Variants in CPSF6 observed in about 807,000 individuals in gnomAD.
CPSF6 encodes the protein cleavage and polyadenylation specificity factor subunit 6.
A neutral mutation model predicts 56.7 loss-of-function variants in CPSF6; 10 were observed. The ratio of observed to expected loss-of-function variants is 0.18; its 90% CI spans 0.11 to 0.30. CPSF6 has a LOEUF of 0.30. CPSF6 is among the 10% of genes least tolerant of loss of function. The probability of loss-of-function intolerance (pLI) is 1.00; values close to 1 mark genes in which losing one functional copy is unlikely to be tolerated. For synonymous variants in CPSF6, 248 were observed against 244.8 expected (o/e 1.01, Z -0.12); for missense variants, 419 against 722.9 (o/e 0.58, Z 4.82).
intron 1 of CPSF6, among the ~76,000 whole-genome samples, chr12:69,250,608 GAAAAA>G (rs61008772): frequency 7.5e-6 from 1 of 133,340 alleles, no homozygotes; most frequent in Non-Finnish European, 1.6e-5. Context: ...AAAAAAAAAA[GAAAAA>G]AAAGAAAAGA....
Position 69,256,796 on chromosome 12 carries a change from A to T in CPSF6, c.474A>T (p.Pro158=), listed in dbSNP as rs369020999. The T allele has an allele frequency of 6.2e-7, 1 of 1,613,748 alleles. No individual in the cohort carries two copies. The highest frequency in any genetic ancestry group is 2.2e-5 in the East Asian group (1 of 44,874). The change falls in exon 4 of 10, where the codon CCA becomes CCT. Residue 158 remains proline (P), a synonymous_variant. Coordinates refer to ENST00000435070, the MANE Select transcript of CPSF6 (RefSeq NM_007007.3). ...ATGGTCAGAATCCTGTTGTAACTCCATGCAATAAACAGTTCCTGAGTCAAT... is the reference window on the plus strand; with the variant it reads ...ATGGTCAGAATCCTGTTGTAACTCCTTGCAATAAACAGTTCCTGAGTCAAT... The part of the protein sequence containing the change: ...ELHGQNPVVT[P]CNKQFLSQFE...
intron 1 of CPSF6, among the ~76,000 whole-genome samples, chr12:69,243,794 AATTT>A (rs951003638): frequency 2.6e-5 from 4 of 152,102 alleles, no homozygotes; most frequent in African/African-American, 7.2e-5. Flanking sequence ...GGCTACACTA[AATTT>A]ATTTAAACTT....
At chr12:69,266,834 T>TAG in intron 9 of CPSF6, among the ~76,000 whole-genome samples, 1 of 152,274 alleles carries the variant, frequency 6.6e-6, no homozygotes, top group Non-Finnish European at 1.5e-5. Flanking sequence ...ATGTGTTTTA[T>TAG]AGAGTAATAA....
chr12:69,261,781 T>G (rs773735845), intron 8 of CPSF6, among the ~76,000 whole-genome samples: 5 of 152,216 alleles, frequency 3.3e-5, no homozygotes, highest in Admixed American at 6.5e-5. Context: ...TCGCAGTTCA[T>G]GAAACATTTC....
At chr12:69,261,635 T>C (rs1445883169) in intron 8 of CPSF6, among the ~76,000 whole-genome samples, 1 of 150,986 alleles carries the variant, frequency 6.6e-6, no homozygotes, top group Non-Finnish European at 1.5e-5. Flanking sequence ...TTTGCTAAGC[T>C]TAGCTGTCTG....
rs1482107035 is a variant in CPSF6, at chr12:69,257,798, C to T, written c.587C>T (p.Ala196Val). 1.2e-6 allele frequency: 2 copies of T among 1,613,460 alleles called. No homozygotes were observed. The highest frequency in any genetic ancestry group is 1.7e-6 in the Non-Finnish European group (2 of 1,179,860). Residue 196 changes from alanine to valine, a missense_variant, in exon 5 of 10, where the codon GCA becomes GTA. Around this residue, in one of 4 missense-constraint regions of CPSF6, gnomAD observed 211 missense variants for 296.0 expected, o/e 0.71. Coordinates refer to ENST00000435070, the MANE Select transcript of CPSF6 (RefSeq NM_007007.3). ...AGPPGGSSRA[A>V]FPQGGRGRGR... ...CCTCCAGGAGGCAGTTCCCGTGCAG[C>T]ATTTCCACAAGGTGGTAGAGGACGG...
At chr12:69,257,669 G>A (rs1159847328) in intron 4 of CPSF6, 63 bp from the exon 5 acceptor site, 5 of 1,423,482 alleles carry the variant, frequency 3.5e-6, no homozygotes, top group Non-Finnish European at 4.8e-6. Flanking sequence ...TTTAATAATA[G>A]TGGTTACATT....
At chr12:69,261,806 A>C (rs957596566) in intron 8 of CPSF6, among the ~76,000 whole-genome samples, 5 of 152,174 alleles carry the variant, frequency 3.3e-5, no homozygotes, top group African/African-American at 1.2e-4. Context: ...TATTAAATAC[A>C]ATGTGAATAC....
intron 9 of CPSF6, among the ~76,000 whole-genome samples, chr12:69,265,304 T>C (rs1391117873): frequency 6.6e-6 from 1 of 152,218 alleles, no homozygotes; most frequent in African/African-American, 2.4e-5. Flanking sequence ...AGTAGTTCAG[T>C]GCTTTACGAT....
chr12:69,268,183 C>T (rs752491580), intron 9 of CPSF6, among the ~76,000 whole-genome samples: 6 of 151,854 alleles, frequency 4.0e-5, no homozygotes, highest in Non-Finnish European at 7.4e-5. Context: ...CATTTGAAAG[C>T]TGCCATTTTG....
At position 69,240,926 on chromosome 12, in the gene CPSF6, G is replaced by A. The variant is rs149469187; in HGVS notation, c.60+1220G>A. 7.4e-4 allele frequency among the ~76,000 whole-genome samples: 113 copies of A among 152,290 alleles called. No individual in the cohort carries two copies. The South Asian group carries it at 0.015, about 21-fold the overall frequency. On this transcript the variant is annotated intron_variant, in intron 1 of 9. Transcript: ENST00000435070. ...CAATTAAATTGTGCTTAACTGCAAT[G>A]TTCCTAAAAGCCTTATTTTTTTGTA...
At chr12:69,263,130 C>T (rs535925187) in intron 9 of CPSF6, among the ~76,000 whole-genome samples, 3 of 151,608 alleles carry the variant, frequency 2.0e-5, no homozygotes, top group Admixed American at 6.6e-5. Context: ...ATCCTGACAT[C>T]TGCTTTTTGT....
intron 1 of CPSF6, among the ~76,000 whole-genome samples, chr12:69,246,055 C>G (rs534787127): frequency 1.3e-5 from 2 of 152,130 alleles, no homozygotes; most frequent in Non-Finnish European, 2.9e-5. Context: ...CCACTGTACT[C>G]CAGCCTGAGT....
chr12:69,265,170 A>G (rs1482914928), intron 9 of CPSF6, among the ~76,000 whole-genome samples: 2 of 152,170 alleles, frequency 1.3e-5, no homozygotes, highest in African/African-American at 4.8e-5. Flanking sequence ...TTCAATATCT[A>G]AGTTCAAATA....
chr12:69,248,274 G>T (rs142359153), intron 1 of CPSF6, among the ~76,000 whole-genome samples: 2 of 151,986 alleles, frequency 1.3e-5, no homozygotes, highest in African/African-American at 4.8e-5. Context: ...AAGTGAAAGT[G>T]TAAATTTAAA....
intron 4 of CPSF6, 22 bp downstream of exon 4, chr12:69,256,864 T>C (rs564462234): frequency 2.5e-6 from 4 of 1,578,176 alleles, no homozygotes; most frequent in Non-Finnish European, 3.4e-6. Context: ...TCAGAGGCTT[T>C]TATTAAAATA....
intron 1 of CPSF6, among the ~76,000 whole-genome samples, chr12:69,248,209 T>G (rs1433681152): frequency 1.3e-5 from 2 of 152,262 alleles, no homozygotes; most frequent in African/African-American, 4.8e-5. Context: ...TGTAAACATT[T>G]TCACAGGTTT....
Position 69,257,619 on chromosome 12 carries a change from C to T in CPSF6, c.521-113C>T, listed in dbSNP as rs1872566503. The T allele has an allele frequency of 1.1e-5, 11 of 962,792 alleles. No homozygotes were observed. The South Asian group carries it at 1.6e-4, about 14-fold the overall frequency. 59.6% of individuals were successfully genotyped at this position (962,792 alleles called of 1,614,324 possible). On this transcript the variant is annotated intron_variant, in intron 4 of 9. Coordinates refer to ENST00000435070, the MANE Select transcript of CPSF6 (RefSeq NM_007007.3). ...CTTTCTTATGTAGTTTGCATAGGCA[C>T]AAGGCATTTGCAAGTTAATATATTA...
rs1272317245 is a variant in CPSF6, at chr12:69,273,765, CAT to C, written c.*4259_*4260del. 3 of 151,818 alleles carry C rather than the reference CAT, an allele frequency of 2.0e-5. No homozygotes were observed. The highest frequency in any genetic ancestry group is 7.2e-5 in the African/African-American group (3 of 41,476). The allele number at this position is 151,818 out of a possible 1,614,324, so 9.4% of individuals were successfully genotyped here. On this transcript the variant is annotated 3_prime_UTR_variant, in exon 10 of 10. Transcript: ENST00000435070. ...GGGAAAGGATCCTTTGGGTATAAAT[CAT>C]AATGTATTTTAAGGAATGCATCTAT...
Sources: gnomAD v4.1 joint callset for allele counts (sites outside exome capture counted in the v4.1 genomes callset) on GRCh38, gnomAD v4.1.1 for gene constraint, gnomAD v4.1.1 regional missense constraint, MANE v1.5 for transcripts, NCBI Gene and HGNC (gene_info 2026-07-23, HGNC 2026-07-21) for gene names.